The following SPON1 variants were observed in gnomAD, a reference collection of about 807,000 sequenced individuals.
SPON1 encodes spondin 1, also known as spondin-1.
Under a neutral mutation model 111.7 loss-of-function variants are expected in SPON1, and 52 were observed. The observed-to-expected ratio is 0.47, with a 90% confidence interval of 0.37 to 0.59. SPON1 has a LOEUF of 0.59. Ranked by LOEUF, SPON1 falls within the 20% of genes least tolerant of loss-of-function variation. The pLI is 0.00. For missense variants in SPON1, 957 were observed against 1,068.5 expected (o/e 0.90, Z 1.46); for synonymous variants, 410 against 395.8 (o/e 1.04, Z -0.43).
At chr11:14,134,306 G>A (rs782472774) in intron 5 of SPON1, among the ~76,000 whole-genome samples, 3 of 152,150 alleles carry the variant, frequency 2.0e-5, no homozygotes, top group Non-Finnish European at 4.4e-5. Context: ...ATATGCATCT[G>A]TATTCATCAC....
intron 6 of SPON1, among the ~76,000 whole-genome samples, chr11:14,178,075 C>T (rs1046273797): frequency 4.6e-5 from 7 of 151,440 alleles, no homozygotes; most frequent in South Asian, 2.1e-4. Flanking sequence ...CACACACACA[C>T]GCTTTGGTCT....
At chr11:14,009,778 C>T (rs541038980) in intron 2 of SPON1, among the ~76,000 whole-genome samples, 1 of 152,320 alleles carries the variant, frequency 6.6e-6, no homozygotes, top group Non-Finnish European at 1.5e-5. Context: ...ATGGCACCTT[C>T]TTGCTGCATC....
chr11:14,211,748 C>T (rs1554936761), intron 6 of SPON1, among the ~76,000 whole-genome samples: 1 of 152,102 alleles, frequency 6.6e-6, no homozygotes, highest in Non-Finnish European at 1.5e-5. Flanking sequence ...CATAGTAATG[C>T]TACTGACCTT....
chr11:13,981,447 C>A, intron 1 of SPON1, among the ~76,000 whole-genome samples: 1 of 152,172 alleles, frequency 6.6e-6, no homozygotes, highest in Non-Finnish European at 1.5e-5. Context: ...CTGTCTCAGC[C>A]TCCCAAGTAG....
chr11:14,118,630 A>G (rs187659547), intron 5 of SPON1, among the ~76,000 whole-genome samples: 144 of 152,332 alleles, frequency 9.5e-4, no homozygotes, highest in African/African-American at 3.4e-3. Context: ...CCAAGAGTCA[A>G]TACCCCTAAT....
At chr11:14,260,948 C>G (rs191755136) in intron 14 of SPON1, among the ~76,000 whole-genome samples, 196 bp downstream of exon 14, 1 of 152,258 alleles carries the variant, frequency 6.6e-6, no homozygotes, top group Admixed American at 6.5e-5. Context: ...ATCCCACTAC[C>G]GTCTACAGAA....
intron 3 of SPON1, among the ~76,000 whole-genome samples, chr11:14,067,604 G>C (rs926407204): frequency 6.6e-6 from 1 of 152,170 alleles, no homozygotes; most frequent in African/African-American, 2.4e-5. Flanking sequence ...TCCTCAGAAG[G>C]ATCTCTTTTA....
At chr11:14,075,561 A>G (rs540100667) in intron 4 of SPON1, 143 bp downstream of exon 4, 5 of 634,640 alleles carry the variant, frequency 7.9e-6, no homozygotes, top group East Asian at 2.8e-5. Flanking sequence ...TCCGATTTTT[A>G]ATCTGGCTGT....
chr11:14,100,801 A>G (rs1222505944), intron 5 of SPON1, among the ~76,000 whole-genome samples: 1 of 151,676 alleles, frequency 6.6e-6, no homozygotes, highest in African/African-American at 2.4e-5. Flanking sequence ...TGCAAGGCAA[A>G]CCCCCTAAGG....
intron 2 of SPON1, among the ~76,000 whole-genome samples, chr11:14,040,802 C>A (rs1301414815): frequency 1.3e-5 from 2 of 151,946 alleles, no homozygotes; most frequent in East Asian, 3.9e-4. Context: ...CACTTAAAAC[C>A]AATTGGATTT....
intron 5 of SPON1, among the ~76,000 whole-genome samples, chr11:14,090,302 A>G (rs1335176620): frequency 1.3e-5 from 2 of 151,924 alleles, no homozygotes; most frequent in African/African-American, 4.8e-5. Context: ...TAGGCACACA[A>G]GGGAATCTCT....
intron 5 of SPON1, among the ~76,000 whole-genome samples, chr11:14,088,041 G>T (rs782650536): frequency 6.6e-6 from 1 of 152,056 alleles, no homozygotes; most frequent in African/African-American, 2.4e-5. Flanking sequence ...TGTGAGATGG[G>T]TCTCCTGAAT....
chr11:14,245,802 A>C (rs1201163479), intron 7 of SPON1, among the ~76,000 whole-genome samples: 1 of 152,202 alleles, frequency 6.6e-6, no homozygotes, highest in Non-Finnish European at 1.5e-5. Context: ...AAACCCACCC[A>C]GCCCAGGAAA....
At chr11:14,208,326 A>T (rs1489580624) in intron 6 of SPON1, among the ~76,000 whole-genome samples, 1 of 152,194 alleles carries the variant, frequency 6.6e-6, no homozygotes, top group Non-Finnish European at 1.5e-5. Context: ...CCTATGTAAC[A>T]AACCTGCACA....
chr11:14,124,177 C>T lies in SPON1; in HGVS notation c.677-11243C>T, dbSNP rs138295923. 3.2e-4 allele frequency among the ~76,000 whole-genome samples: 49 copies of T among 152,220 alleles called. 1 individual carries two copies. Among genetic ancestry groups the T allele is most frequent in the African/African-American group, 1.1e-3 (46 of 41,544 alleles). ...CATCACTGATCATCCAGTCTTTATA[C>T]ACACACACTCACACACACACACACA... On this transcript the variant is annotated intron_variant, in intron 5 of 15. Transcript: ENST00000576479.
rs183670801 is a variant in SPON1, at chr11:14,173,878, G to A, written c.825+38310G>A. ...TTTTGTCTCAGAGGAGCACCTGGCC[G>A]TGTGAGGTGTCAGTTCACCCCGTAG... is the stretch of plus-strand genomic sequence containing the variant. On this transcript the variant is annotated intron_variant, in intron 6 of 15. Transcript: ENST00000576479. Among the ~76,000 whole-genome samples, 93 of 148,824 alleles carry A rather than the reference G, an allele frequency of 6.2e-4. No homozygotes were observed. The East Asian group carries it at 0.012, about 19-fold the overall frequency.
At chr11:14,220,316 C>T (rs2133906392) in intron 6 of SPON1, among the ~76,000 whole-genome samples, 1 of 152,240 alleles carries the variant, frequency 6.6e-6, no homozygotes, top group South Asian at 2.1e-4. Context: ...GGACATGGTT[C>T]AGTAAACATC....
chr11:14,001,203 A>C (rs1554912403), intron 2 of SPON1, among the ~76,000 whole-genome samples: 1 of 152,168 alleles, frequency 6.6e-6, no homozygotes, highest in Non-Finnish European at 1.5e-5. Context: ...GGAGGACTTA[A>C]AGGCTAACTG....
At position 14,259,163 on chromosome 11, in the gene SPON1, G is replaced by A; in HGVS notation, c.1493-117G>A. The stretch of plus-strand genomic sequence containing the variant: ...AGGATTTAGACCTCTTAGGTGTGCA[G>A]ACAACCTCAACTGCCTGACTCCTCT... On this transcript the variant is annotated intron_variant, in intron 11 of 15. Coordinates refer to ENST00000576479, the MANE Select transcript of SPON1 (RefSeq NM_006108.4). This position sits in a 1 kb window ranked among gnomAD's most constrained non-coding sequence, Gnocchi z 5.0. The A allele has an allele frequency of 1.7e-6, 2 of 1,174,700 alleles. No individual in the cohort carries two copies. The highest frequency in any genetic ancestry group is 2.3e-6 in the Non-Finnish European group (2 of 854,234). 72.8% of individuals were successfully genotyped at this position (1,174,700 alleles called of 1,614,324 possible).
Sources: allele counts gnomAD v4.1 joint callset (sites outside exome capture counted in the v4.1 genomes callset), GRCh38; gene constraint gnomAD v4.1.1; non-coding constraint Gnocchi (gnomAD v3.1); transcripts MANE v1.5; gene names NCBI Gene and HGNC (gene_info 2026-07-23, HGNC 2026-07-21).